The following GALNT17 variants were observed in gnomAD, a reference collection of about 807,000 sequenced individuals.
The protein encoded by GALNT17 is polypeptide N-acetylgalactosaminyltransferase 17, also known as UDP-GalNAc:polypeptide N-acetylgalactosaminyltransferase-like 3.
Under a neutral mutation model 63.7 loss-of-function variants are expected in GALNT17, and 29 were observed. The ratio of observed to expected loss-of-function variants is 0.46; its 90% CI spans 0.34 to 0.62. The LOEUF is 0.62. GALNT17 is among the 20% of genes least tolerant of loss of function. The pLI is 0.01. For synonymous variants in GALNT17, 305 were observed against 318.3 expected, an observed-to-expected ratio of 0.96 and a Z score of 0.45; for missense variants, 603 against 799.6, an observed-to-expected ratio of 0.75 and a Z score of 2.97.
chr7:71,574,998 C>T lies in GALNT17; in HGVS notation c.1080+3596C>T, dbSNP rs539120153. On this transcript the variant is annotated intron_variant, in intron 6 of 10. Coordinates refer to ENST00000333538, the MANE Select transcript of GALNT17 (RefSeq NM_022479.3). Reference sequence around the variant, plus strand: ...CACTCCAGCCTACACAGCCAGAGTCCTGTAGGCACCAACATCTACTACCTT... The same window carrying T: ...CACTCCAGCCTACACAGCCAGAGTCTTGTAGGCACCAACATCTACTACCTT... Among the ~76,000 whole-genome samples the T allele has an allele frequency of 7.4e-4, 112 of 152,300 alleles. 1 individual carries two copies. The highest frequency in any genetic ancestry group is 2.6e-3 in the African/African-American group (110 of 41,564).
intron 9 of GALNT17, among the ~76,000 whole-genome samples, chr7:71,693,921 T>C (rs1791501173): frequency 6.6e-6 from 1 of 152,098 alleles, no homozygotes; most frequent in African/African-American, 2.4e-5. Context: ...GAAGCTAATA[T>C]CCACATTTGC....
rs927122784 is a variant in GALNT17 at position 71,174,501 on chromosome 7, T to A, written c.238+41461T>A. On this transcript the variant is annotated intron_variant, in intron 1 of 10. Coordinates refer to ENST00000333538, the MANE Select transcript of GALNT17 (RefSeq NM_022479.3). ...CTAAACAGGCTTTGTGTGAGCAACA[T>A]GGCTGTTTATTTCATCTGGGTGCAG... is the stretch of plus-strand genomic sequence containing the variant. Among the ~76,000 whole-genome samples, 9 of 152,176 alleles carry A rather than the reference T, an allele frequency of 5.9e-5. No homozygotes were observed. The South Asian group carries it at 1.0e-3, about 18-fold the overall frequency.
At chr7:71,362,305 A>C (rs1033469194) in intron 2 of GALNT17, among the ~76,000 whole-genome samples, 2 of 152,098 alleles carry the variant, frequency 1.3e-5, no homozygotes, top group African/African-American at 4.8e-5. Context: ...TTGTGTACAA[A>C]CTTACATTCT....
Position 71,132,891 on chromosome 7 carries a change from C to T in GALNT17, c.89C>T (p.Pro30Leu), listed in dbSNP as rs1787709914. 6.2e-7 allele frequency: 1 copy of T among 1,613,052 alleles called. No individual in the cohort carries two copies. Among genetic ancestry groups the T allele is most frequent in the Non-Finnish European group, 8.5e-7 (1 of 1,179,578 alleles). ...GFVLFLAKCR[P>L]IAVRSGDAFH... ...GTGCTCTTCCTGGCCAAGTGCCGGC[C>T]CATCGCGGTGCGCAGCGGAGACGCC... Residue 30 changes from proline (P) to leucine (L), a missense_variant, in exon 1 of 11, where the codon CCC becomes CTC. Pro to Leu is a moderately conservative substitution (Grantham distance 98, BLOSUM62 -3). Around this residue, in one of 3 missense-constraint regions of GALNT17, gnomAD observed 195 missense variants for 215.0 expected, o/e 0.91. Transcript: ENST00000333538.
intron 1 of GALNT17, among the ~76,000 whole-genome samples, chr7:71,265,395 G>A (rs1271634520): frequency 6.6e-6 from 1 of 151,594 alleles, no homozygotes; most frequent in African/African-American, 2.4e-5. Context: ...AAGGTGTTGG[G>A]ATTACAGACG....
chr7:71,283,213 T>A (rs552545734), intron 1 of GALNT17, among the ~76,000 whole-genome samples: 18 of 151,672 alleles, frequency 1.2e-4, no homozygotes, highest in South Asian at 8.3e-4. Flanking sequence ...AAAAAAAAAA[T>A]TTGTGTGTAG....
chr7:71,190,744 A>G (rs996619231), intron 1 of GALNT17, among the ~76,000 whole-genome samples: 4 of 151,848 alleles, frequency 2.6e-5, no homozygotes, highest in African/African-American at 9.7e-5. Context: ...TGATCCTCCC[A>G]CCTCAGCCTA....
At chr7:71,703,610 A>T (rs1439465798) in intron 9 of GALNT17, among the ~76,000 whole-genome samples, 1 of 152,230 alleles carries the variant, frequency 6.6e-6, no homozygotes, top group Non-Finnish European at 1.5e-5. Context: ...ATCACCTGAT[A>T]ACCTTTAAAA....
At chr7:71,622,832 CT>C (rs1430523790) in intron 6 of GALNT17, among the ~76,000 whole-genome samples, 1 of 152,156 alleles carries the variant, frequency 6.6e-6, no homozygotes, top group African/African-American at 2.4e-5. Flanking sequence ...CAATAGTGCT[CT>C]TGGTAATGTT....
intron 1 of GALNT17, among the ~76,000 whole-genome samples, chr7:71,259,005 A>G (rs1790334740): frequency 6.6e-6 from 1 of 152,136 alleles, no homozygotes; most frequent in African/African-American, 2.4e-5. Flanking sequence ...ATGGGGGATG[A>G]GGCTGGAGAG....
chr7:71,300,586 A>G (rs1791177314), intron 1 of GALNT17: 2 of 350,666 alleles, frequency 5.7e-6, no homozygotes, highest in Non-Finnish European at 1.1e-5. Flanking sequence ...CTACACACAC[A>G]CATGCATGCG....
intron 1 of GALNT17, among the ~76,000 whole-genome samples, chr7:71,231,011 A>G (rs955914077): frequency 6.6e-6 from 1 of 152,148 alleles, no homozygotes; most frequent in African/African-American, 2.4e-5. Context: ...AACAAATTTG[A>G]GAACCTTAGA....
intron 1 of GALNT17, among the ~76,000 whole-genome samples, chr7:71,279,719 C>A (rs138977764): frequency 6.6e-6 from 1 of 151,402 alleles, no homozygotes; most frequent in African/African-American, 2.4e-5. Context: ...CTTTTACAGA[C>A]TTGAGCATGG....
intron 3 of GALNT17, among the ~76,000 whole-genome samples, chr7:71,408,367 G>C (rs891375696): frequency 1.3e-5 from 2 of 152,192 alleles, no homozygotes; most frequent in Non-Finnish European, 2.9e-5. Context: ...AGCTGCTGGT[G>C]GGGAGAGGTG....
intron 1 of GALNT17, among the ~76,000 whole-genome samples, chr7:71,224,264 C>T (rs558689180): frequency 6.6e-6 from 1 of 152,194 alleles, no homozygotes; most frequent in African/African-American, 2.4e-5. Context: ...AGGCTGGTCT[C>T]AAACCTCTGA....
chr7:71,516,728 G>C (rs11976077), intron 5 of GALNT17, among the ~76,000 whole-genome samples: 11,817 of 152,170 alleles, frequency 0.078, 1,018 homozygotes, highest in African/African-American at 0.22. Context: ...TGCCTACCAA[G>C]CCTGTGCCAT....
At chr7:71,506,888 G>A (rs1056875467) in intron 5 of GALNT17, among the ~76,000 whole-genome samples, 3 of 152,180 alleles carry the variant, frequency 2.0e-5, no homozygotes, top group Non-Finnish European at 2.9e-5. Context: ...TGGCAAAACC[G>A]CAGTTACTTT....
At chr7:71,544,799 TG>T (rs1788954412) in intron 5 of GALNT17, among the ~76,000 whole-genome samples, 1 of 151,972 alleles carries the variant, frequency 6.6e-6, no homozygotes, top group Non-Finnish European at 1.5e-5. Context: ...AGCTTCATCA[TG>T]GATGAGCTGT....
At chr7:71,336,917 T>C (rs1304541630) in intron 2 of GALNT17, among the ~76,000 whole-genome samples, 1 of 152,204 alleles carries the variant, frequency 6.6e-6, no homozygotes, top group Non-Finnish European at 1.5e-5. Context: ...ACCAAATTGC[T>C]TTCTACAATG....
Sources: allele counts gnomAD v4.1 joint callset (sites outside exome capture counted in the v4.1 genomes callset), GRCh38; gene constraint gnomAD v4.1.1; regional missense constraint gnomAD v4.1.1; transcripts MANE v1.5; gene names NCBI Gene and HGNC (gene_info 2026-07-23, HGNC 2026-07-21).